CDH13: variants seen among roughly 807,000 people sequenced by gnomAD.
CDH13 encodes the protein cadherin-13.
A neutral mutation model predicts 63.8 loss-of-function variants in CDH13; 24 were observed. The observed-to-expected ratio is 0.38, with a 90% confidence interval of 0.27 to 0.53. CDH13 has a LOEUF of 0.53. Among genes scored for constraint, CDH13 ranks in the 20% least tolerant of loss-of-function variants. CDH13 has a pLI of 0.85. For missense variants in CDH13, 1,049 were observed against 903.1 expected, an observed-to-expected ratio of 1.16 and a Z score of -2.07; for synonymous variants, 503 against 355.3, an observed-to-expected ratio of 1.42 and a Z score of -4.67.
intron 7 of CDH13, among the ~76,000 whole-genome samples, chr16:83,507,963 CA>C: frequency 1.3e-5 from 2 of 150,958 alleles, no homozygotes; most frequent in South Asian, 4.2e-4. Flanking sequence ...AACCGGGAGG[CA>C]GAGGGTGCAG....
chr16:82,684,067 A>C lies in CDH13; in HGVS notation c.45+56930A>C, dbSNP rs8054764. Among the ~76,000 whole-genome samples, 1,301 of 152,344 alleles carry C rather than the reference A, an allele frequency of 8.5e-3. 16 individuals carry two copies. Among genetic ancestry groups the C allele is most frequent in the African/African-American group, 0.029 (1,219 of 41,578 alleles). On this transcript the variant is annotated intron_variant, in intron 1 of 13. Coordinates refer to ENST00000567109, the MANE Select transcript of CDH13 (RefSeq NM_001257.5). Reference sequence around the variant, plus strand: ...TTTATATTGAGGCAACCAAATGATCAAGGAAGAATTCGTGAATAGCCATGA... The same window carrying C: ...TTTATATTGAGGCAACCAAATGATCCAGGAAGAATTCGTGAATAGCCATGA...
intron 10 of CDH13, among the ~76,000 whole-genome samples, chr16:83,679,097 T>TTAATAA (rs58075126): frequency 0.57 from 86,342 of 150,990 alleles, 25,289 homozygotes; most frequent in African/African-American, 0.69. Context: ...CAGGCAAAAA[T>TTAATAA]TAATAATAAT....
At chr16:83,176,234 A>G (rs996754498) in intron 4 of CDH13, among the ~76,000 whole-genome samples, 6 of 150,630 alleles carry the variant, frequency 4.0e-5, no homozygotes, top group Admixed American at 4.0e-4. Flanking sequence ...GATTGTGGCT[A>G]CGCTTGGTGG....
intron 1 of CDH13, among the ~76,000 whole-genome samples, chr16:82,701,355 C>T (rs2031003713): frequency 6.6e-6 from 1 of 152,112 alleles, no homozygotes; most frequent in Admixed American, 6.5e-5. Flanking sequence ...ACTTTGACTT[C>T]CATCCTGATT....
intron 5 of CDH13, among the ~76,000 whole-genome samples, chr16:83,321,525 ATTTTTTT>A (rs10672316): frequency 4.8e-4 from 50 of 103,650 alleles, no homozygotes; most frequent in Non-Finnish European, 7.0e-4. Flanking sequence ...GAAATCTGGA[ATTTTTTT>A]TTTTTTTTTT....
At chr16:83,346,018 A>C (rs760405807) in intron 6 of CDH13, among the ~76,000 whole-genome samples, 1 of 152,170 alleles carries the variant, frequency 6.6e-6, no homozygotes, top group Non-Finnish European at 1.5e-5. Context: ...CAGGTGGATA[A>C]TTGTATGCAA....
chr16:83,473,212 A>C (rs556152968), intron 6 of CDH13, among the ~76,000 whole-genome samples: 1 of 152,232 alleles, frequency 6.6e-6, no homozygotes, highest in Non-Finnish European at 1.5e-5. Context: ...TATTTTATAC[A>C]TACTTTCATT....
At chr16:83,065,715 A>G (rs180809153) in intron 3 of CDH13, among the ~76,000 whole-genome samples, 1,103 of 90,946 alleles carry the variant, frequency 0.012, 19 homozygotes, top group African/African-American at 0.065. Flanking sequence ...AAAAAAAACA[A>G]AAAAACAAAA....
chr16:83,788,984 G>A (rs2151018152), intron 13 of CDH13, among the ~76,000 whole-genome samples: 1 of 152,286 alleles, frequency 6.6e-6, no homozygotes, highest in East Asian at 1.9e-4. Flanking sequence ...ACTTGGTCTG[G>A]TCATGTGTAA....
At chr16:82,920,655 CA>C (rs1163001838) in intron 2 of CDH13, among the ~76,000 whole-genome samples, 2 of 152,176 alleles carry the variant, frequency 1.3e-5, no homozygotes. Context: ...CAGAGACTAT[CA>C]GGGGTATTAG....
At chr16:83,602,107 C>CAAAAAAAAAAAA (rs869202510) in intron 7 of CDH13, among the ~76,000 whole-genome samples, 1 of 7,956 alleles carries the variant, frequency 1.3e-4, no homozygotes, top group East Asian at 3.8e-3. Context: ...AGAACAACAA[C>CAAAAAAAAAAAA]AAAAAAAAAA....
At chr16:83,409,170 T>A (rs1408215794) in intron 6 of CDH13, among the ~76,000 whole-genome samples, 1 of 152,130 alleles carries the variant, frequency 6.6e-6, no homozygotes. Context: ...GCTGCTTTCA[T>A]GAGAGACTGG....
chr16:83,400,401 A>G (rs1455789272), intron 6 of CDH13, among the ~76,000 whole-genome samples: 1 of 152,140 alleles, frequency 6.6e-6, no homozygotes, highest in African/African-American at 2.4e-5. Context: ...TGGGACGGCT[A>G]CCGGATGGCC....
intron 6 of CDH13, among the ~76,000 whole-genome samples, chr16:83,391,151 G>A (rs1354101734): frequency 6.6e-6 from 1 of 151,836 alleles, no homozygotes; most frequent in African/African-American, 2.4e-5. Flanking sequence ...ATAAGTATCT[G>A]CCAAGATGCT....
Position 82,959,780 on chromosome 16 carries a change from G to A in CDH13, c.158-72230G>A, listed in dbSNP as rs141976228. Among the ~76,000 whole-genome samples the A allele has an allele frequency of 9.0e-4, 137 of 152,208 alleles. 1 individual carries two copies. Among genetic ancestry groups the A allele is most frequent in the Non-Finnish European group, 1.2e-3 (80 of 68,014 alleles). On this transcript the variant is annotated intron_variant, in intron 2 of 13. Coordinates refer to ENST00000567109, the MANE Select transcript of CDH13 (RefSeq NM_001257.5). ...ACTGCGTGGCATGGATGTACCACACGGTTGTTGTTGTTTTTAACCCTCTAC... is the reference window on the plus strand; with the variant it reads ...ACTGCGTGGCATGGATGTACCACACAGTTGTTGTTGTTTTTAACCCTCTAC...
intron 1 of CDH13, among the ~76,000 whole-genome samples, chr16:82,687,853 T>C (rs933127305): frequency 6.6e-6 from 1 of 151,736 alleles, no homozygotes. Context: ...TCCTCGGGGG[T>C]AGGAGCAGAG....
In CDH13 at chr16:83,796,772, C is replaced by T. The variant is rs1904283509; in HGVS notation, c.*1742C>T. 1.3e-5 allele frequency: 2 copies of T among 152,182 alleles called. No individual in the cohort carries two copies. Among genetic ancestry groups the T allele is most frequent in the South Asian group, 2.1e-4 (1 of 4,830 alleles). 9.4% of individuals were successfully genotyped at this position (152,182 alleles called of 1,614,324 possible). On this transcript the variant is annotated 3_prime_UTR_variant, in exon 14 of 14. Coordinates refer to ENST00000567109, the MANE Select transcript of CDH13 (RefSeq NM_001257.5). ...ACCAGTTCTCAGCATGGGCCATGGA[C>T]TCATCTTGTCCACCTCATGATATGA...
intron 3 of CDH13, among the ~76,000 whole-genome samples, chr16:83,119,125 A>G (rs1305105393): frequency 1.3e-5 from 2 of 151,872 alleles, no homozygotes; most frequent in East Asian, 1.9e-4. Context: ...TTTGGAGGAG[A>G]CCTCTGCCTT....
rs757617468 is a variant in CDH13 at position 83,748,150 on chromosome 16, C to T, written c.1581C>T (p.Asn527=). The part of the protein sequence containing the change: ...YKDPAGWLNI[N]PINGTVDTTA... ...ACCCAGCAGGTTGGCTGAATATTAA[C>T]CCCATCAATGGGACTGTTGACACCA... The change falls in exon 11 of 14, where the codon AAC becomes AAT. Residue 527 remains asparagine (N), a synonymous_variant. Coordinates refer to ENST00000567109, the MANE Select transcript of CDH13 (RefSeq NM_001257.5). 1.9e-6 allele frequency: 3 copies of T among 1,613,830 alleles called. No individual in the cohort carries two copies. The highest frequency in any genetic ancestry group is 2.7e-5 in the African/African-American group (2 of 74,994).
Sources: gnomAD v4.1 joint callset for allele counts (sites outside exome capture counted in the v4.1 genomes callset) on GRCh38, gnomAD v4.1.1 for gene constraint, MANE v1.5 for transcripts, NCBI Gene and HGNC (gene_info 2026-07-23, HGNC 2026-07-21) for gene names.